Variants in HIPK2 observed in about 807,000 individuals in gnomAD.
HIPK2 encodes the protein homeodomain interacting protein kinase 2.
Under a neutral mutation model 113.7 loss-of-function variants are expected in HIPK2, and 27 were observed. The observed-to-expected ratio is 0.24, with a 90% CI of 0.17 to 0.33. The LOEUF (loss-of-function observed/expected upper bound fraction) is 0.33. Ranked by LOEUF, HIPK2 falls within the 10% of genes least tolerant of loss-of-function variation. The probability of loss-of-function intolerance (pLI) is 1.00; values close to 1 mark genes in which losing one functional copy is unlikely to be tolerated. For synonymous variants in HIPK2, 631 were observed against 642.2 expected (o/e 0.98, Z 0.26); for missense variants, 1,257 against 1,588.0 (o/e 0.79, Z 3.54).
intron 1 of HIPK2, among the ~76,000 whole-genome samples, chr7:139,772,805 A>G (rs1008038189): frequency 1.0e-4 from 15 of 148,698 alleles, no homozygotes; most frequent in African/African-American, 3.7e-4. Flanking sequence ...CATGTTAGCC[A>G]GGTTGGTCTC....
In HIPK2 at chr7:139,613,054, G is replaced by T; in HGVS notation, c.2112+148C>A. 1 of 889,522 alleles carries T rather than the reference G, an allele frequency of 1.1e-6. No homozygotes were observed. The highest frequency in any genetic ancestry group is 1.6e-6 in the Non-Finnish European group (1 of 618,526). The allele number at this position is 889,522 out of a possible 1,614,324, so 55.1% of individuals were successfully genotyped here. On this transcript the variant is annotated intron_variant, in intron 9 of 14. Transcript: ENST00000406875. This position sits in a 1 kb window ranked among gnomAD's most constrained non-coding sequence, Gnocchi z 4.2. ...TACTTAGGAAGGTAATTCACTTGGG[G>T]ACCATTTAGAATATTACAGATACAT...
intron 13 of HIPK2, among the ~76,000 whole-genome samples, chr7:139,581,782 G>A (rs1443332990): frequency 6.6e-6 from 1 of 152,340 alleles, no homozygotes; most frequent in African/African-American, 2.4e-5. Context: ...CACTGGCTGG[G>A]GAAGGGCAGG....
chr7:139,675,940 C>T (rs1802481060), intron 2 of HIPK2, among the ~76,000 whole-genome samples: 2 of 152,168 alleles, frequency 1.3e-5, no homozygotes, highest in Non-Finnish European at 2.9e-5. Context: ...TTCCCAAAAG[C>T]TCCAGTCCAC....
intron 2 of HIPK2, among the ~76,000 whole-genome samples, chr7:139,637,252 AC>A (rs1435809077): frequency 1.3e-5 from 2 of 151,286 alleles, no homozygotes; most frequent in Non-Finnish European, 2.9e-5. Context: ...ATGGCACCCC[AC>A]CCCCTTGCCG....
At chr7:139,749,209 C>T (rs73158622) in intron 1 of HIPK2, among the ~76,000 whole-genome samples, 5 of 152,222 alleles carry the variant, frequency 3.3e-5, no homozygotes, top group African/African-American at 4.8e-5. Context: ...TACTGCTGGA[C>T]GGTCACTGTC....
In HIPK2 at chr7:139,777,823, C is replaced by T; in HGVS notation, c.-200G>A. On this transcript the variant is annotated 5_prime_UTR_variant, in exon 1 of 15. Transcript: ENST00000406875. ...GCCGGGCGCGCCGCCGCCGCCGCCG[C>T]CGCCGCTGCCGCCCGGGCCCGGCGC... 4.4e-6 allele frequency: 1 copy of T among 224,904 alleles called. No homozygotes were observed. The highest frequency in any genetic ancestry group is 7.2e-6 in the Non-Finnish European group (1 of 138,614). The allele number at this position is 224,904 out of a possible 1,614,324, so 13.9% of individuals were successfully genotyped here.
At chr7:139,761,366 TA>T (rs1173303366) in intron 1 of HIPK2, among the ~76,000 whole-genome samples, 1 of 152,224 alleles carries the variant, frequency 6.6e-6, no homozygotes, top group Non-Finnish European at 1.5e-5. Context: ...GGGGAAAGTG[TA>T]ACTGGACGAT....
chr7:139,621,841 T>C (rs1349146157), intron 6 of HIPK2, among the ~76,000 whole-genome samples: 1 of 149,846 alleles, frequency 6.7e-6, no homozygotes, highest in Non-Finnish European at 1.5e-5. Context: ...GAGAATCACT[T>C]GAGCCTGTGA....
intron 2 of HIPK2, among the ~76,000 whole-genome samples, chr7:139,668,794 T>C (rs1013721814): frequency 2.6e-5 from 4 of 152,258 alleles, no homozygotes; most frequent in Non-Finnish European, 5.9e-5. Flanking sequence ...AAATTGGATA[T>C]TAGCTGTTCT....
intron 2 of HIPK2, among the ~76,000 whole-genome samples, chr7:139,708,681 G>A (rs536545806): frequency 2.6e-5 from 4 of 152,344 alleles, no homozygotes; most frequent in African/African-American, 7.2e-5. Flanking sequence ...TGGGGACACT[G>A]GGGTATTTTC....
At chr7:139,704,072 T>A (rs1270828977) in intron 2 of HIPK2, among the ~76,000 whole-genome samples, 1 of 54,428 alleles carries the variant, frequency 1.8e-5, no homozygotes, top group Non-Finnish European at 3.4e-5. Context: ...ACCCAACACA[T>A]GCACCCCCTC....
At chr7:139,682,084 C>T (rs1053367380) in intron 2 of HIPK2, among the ~76,000 whole-genome samples, 1 of 152,204 alleles carries the variant, frequency 6.6e-6, no homozygotes, top group African/African-American at 2.4e-5. Context: ...GCCAATGTGG[C>T]TACTGCCCCA....
At chr7:139,774,117 C>T (rs1322650320) in intron 1 of HIPK2, among the ~76,000 whole-genome samples, 2 of 152,162 alleles carry the variant, frequency 1.3e-5, no homozygotes, top group Admixed American at 1.3e-4. Flanking sequence ...GAAAGGGAAT[C>T]GCAGGAGATT....
At chr7:139,653,890 G>A (rs1397621510) in intron 2 of HIPK2, among the ~76,000 whole-genome samples, 2 of 151,944 alleles carry the variant, frequency 1.3e-5, no homozygotes, top group Non-Finnish European at 2.9e-5. Flanking sequence ...CTGCCACCAC[G>A]CCCGGCTAAT....
intron 9 of HIPK2, among the ~76,000 whole-genome samples, chr7:139,610,416 C>A (rs1799774174): frequency 6.6e-6 from 1 of 152,206 alleles, no homozygotes; most frequent in South Asian, 2.1e-4. Context: ...CTGGACTGAG[C>A]TGTAGTTCTT....
chr7:139,745,685 G>A (rs1369376941), intron 1 of HIPK2, among the ~76,000 whole-genome samples: 2 of 152,050 alleles, frequency 1.3e-5, no homozygotes, highest in African/African-American at 4.8e-5. Flanking sequence ...AGTGGCTGAG[G>A]CTAAGCACCC....
At position 139,691,078 on chromosome 7, in the gene HIPK2, A is replaced by G. The variant is rs553643773; in HGVS notation, c.1103+24854T>C. The stretch of plus-strand genomic sequence containing the variant: ...TCTGTAATGAAGGAGGTGAGATTAG[A>G]TAATTGCCAAGATCACTTTCAGGGA... On this transcript the variant is annotated intron_variant, in intron 2 of 14. Coordinates refer to ENST00000406875, the MANE Select transcript of HIPK2 (RefSeq NM_022740.5). Among the ~76,000 whole-genome samples the G allele has an allele frequency of 5.9e-5, 9 of 152,288 alleles. No homozygotes were observed. In the South Asian group the frequency reaches 1.9e-3, roughly 32 times the overall value.
At chr7:139,747,996 T>G (rs1195309229) in intron 1 of HIPK2, among the ~76,000 whole-genome samples, 1 of 152,162 alleles carries the variant, frequency 6.6e-6, no homozygotes, top group Non-Finnish European at 1.5e-5. Context: ...GCAGAGCTGT[T>G]CTAGATGGTG....
intron 14 of HIPK2, among the ~76,000 whole-genome samples, chr7:139,574,195 C>G (rs1798411162): frequency 6.6e-6 from 1 of 152,160 alleles, no homozygotes; most frequent in African/African-American, 2.4e-5. Context: ...ATTATTGGCT[C>G]TCACAACATC....
Sources: allele counts gnomAD v4.1 joint callset (sites outside exome capture counted in the v4.1 genomes callset), GRCh38; gene constraint gnomAD v4.1.1; non-coding constraint Gnocchi (gnomAD v3.1); transcripts MANE v1.5; gene names NCBI Gene and HGNC (gene_info 2026-07-23, HGNC 2026-07-21).